SAXO1: variants seen among roughly 807,000 people sequenced by gnomAD.
SAXO1 encodes the protein stabilizer of axonemal microtubules 1, also known as 4930500O09Rik.
In SAXO1, 21 loss-of-function variants were observed where a neutral mutation model predicts 17.5. That is an observed-to-expected ratio of 1.20 (90% CI 0.85 to 1.72). The LOEUF (loss-of-function observed/expected upper bound fraction) is 1.72. SAXO1 is among the 40% of genes most tolerant of loss of function. The pLI, the probability that SAXO1 is intolerant of heterozygous loss-of-function variation, is 0.00. For missense variants in SAXO1, 843 were observed against 596.0 expected (o/e 1.41, Z -4.32); for synonymous variants, 274 against 216.5 (o/e 1.27, Z -2.33).
chr9:18,941,615 C>G lies in SAXO1; in HGVS notation c.421+22G>C. On this transcript the variant is annotated intron_variant, in intron 3 of 3. Transcript: ENST00000380534. ...AGGCTCAGCCTGTCTTTCCCCCAATCTGCCCCTCTGTGCTCTCCCACCTTT... is the reference window on the plus strand; with the variant it reads ...AGGCTCAGCCTGTCTTTCCCCCAATGTGCCCCTCTGTGCTCTCCCACCTTT... 4 of 1,613,682 alleles carry G rather than the reference C, an allele frequency of 2.5e-6. No homozygotes were observed. In the South Asian group the frequency reaches 3.3e-5, roughly 13 times the overall value.
intron 1 of SAXO1, among the ~76,000 whole-genome samples, chr9:19,048,171 G>C (rs367822926): frequency 2.0e-5 from 3 of 152,208 alleles, no homozygotes; most frequent in Non-Finnish European, 4.4e-5. Context: ...TATACACTTT[G>C]ATAAGGGCTT....
intron 1 of SAXO1, among the ~76,000 whole-genome samples, chr9:18,958,615 G>T (rs894278943): frequency 5.3e-5 from 8 of 151,948 alleles, no homozygotes; most frequent in Non-Finnish European, 1.5e-5. Flanking sequence ...TGAGTGCCAC[G>T]CTGGAAGGAT....
chr9:18,933,835 A>C (rs975323164), intron 3 of SAXO1, among the ~76,000 whole-genome samples: 4 of 152,202 alleles, frequency 2.6e-5, no homozygotes, highest in African/African-American at 7.2e-5. Flanking sequence ...TCACGAGGTC[A>C]GGAGATCAAG....
At chr9:19,017,826 C>T (rs767722249) in intron 1 of SAXO1, among the ~76,000 whole-genome samples, 2 of 152,122 alleles carry the variant, frequency 1.3e-5, no homozygotes, top group Non-Finnish European at 2.9e-5. Flanking sequence ...ACCTTAAATC[C>T]ACATGTGATG....
At chr9:18,937,284 A>G (rs1012912058) in intron 3 of SAXO1, among the ~76,000 whole-genome samples, 2 of 152,296 alleles carry the variant, frequency 1.3e-5, no homozygotes, top group Admixed American at 6.5e-5. Flanking sequence ...CCCACAGGGT[A>G]ATAGCCTGGG....
At position 19,049,326 on chromosome 9, in the gene SAXO1, G is replaced by A. The variant is rs1475354188; in HGVS notation, c.-275C>T. On this transcript the variant is annotated 5_prime_UTR_variant, in exon 1 of 4. Coordinates refer to the SAXO1 transcript ENST00000542071. The surrounding 1 kb of genome is among the most constrained non-coding windows in gnomAD (Gnocchi z 5.4). The stretch of plus-strand genomic sequence containing the variant: ...TTTCATTAGAGCAGCGGCTTTTCAA[G>A]GCTCGTCGGGCACGGAGGGCGGAGC... The A allele has an allele frequency of 8.3e-6, 2 of 241,840 alleles. No individual in the cohort carries two copies. The highest frequency in any genetic ancestry group is 7.3e-5 in the South Asian group (1 of 13,650). The allele number at this position is 241,840 out of a possible 1,614,324, so 15.0% of individuals were successfully genotyped here. A position where few individuals can be genotyped will look rare whatever the true frequency, so the allele number is the denominator to read the frequency against.
chr9:19,025,813 C>G (rs915098299), intron 1 of SAXO1, among the ~76,000 whole-genome samples: 3 of 152,070 alleles, frequency 2.0e-5, no homozygotes, highest in South Asian at 4.1e-4. Flanking sequence ...AGTAGTGTTA[C>G]TACATTTTAA....
chr9:18,938,343 G>A (rs1221110628), intron 3 of SAXO1, among the ~76,000 whole-genome samples: 1 of 152,148 alleles, frequency 6.6e-6, no homozygotes, highest in East Asian at 1.9e-4. Context: ...GGATGTACAG[G>A]AAGCATGGTA....
chr9:18,942,987 G>A (rs778797059), intron 2 of SAXO1, among the ~76,000 whole-genome samples: 4 of 152,234 alleles, frequency 2.6e-5, no homozygotes, highest in African/African-American at 4.8e-5. Context: ...ACAGGAAAAC[G>A]TTAGGCCCAA....
chr9:18,973,400 G>A (rs1314186402), intron 1 of SAXO1, among the ~76,000 whole-genome samples: 1 of 152,192 alleles, frequency 6.6e-6, no homozygotes, highest in Non-Finnish European at 1.5e-5. Context: ...AGGTATCACA[G>A]GACACTGCAT....
At position 18,928,876 on chromosome 9, in the gene SAXO1, A is replaced by G. The variant is rs1830908690; in HGVS notation, c.601T>C (p.Leu201=). The change falls in exon 4 of 4, where the codon TTG becomes CTG. Residue 201 remains leucine (L), a synonymous_variant. Coordinates refer to ENST00000380534, the MANE Select transcript of SAXO1 (RefSeq NM_153707.4). Reference sequence around the variant, plus strand: ...ATCTTGTAGTTAGTCACATCCTCCAAGGGGATGTTACAGAGCTTTGGCATG... The same window carrying G: ...ATCTTGTAGTTAGTCACATCCTCCAGGGGGATGTTACAGAGCTTTGGCATG... ...LAMPKLCNIP[L]EDVTNYKMSY... 6.2e-7 allele frequency: 1 copy of G among 1,614,104 alleles called. No individual in the cohort carries two copies. Among genetic ancestry groups the G allele is most frequent in the East Asian group, 2.2e-5 (1 of 44,868 alleles).
At chr9:18,938,450 G>A (rs554151956) in intron 3 of SAXO1, among the ~76,000 whole-genome samples, 1 of 152,166 alleles carries the variant, frequency 6.6e-6, no homozygotes, top group East Asian at 1.9e-4. Flanking sequence ...CAGAGAGCGC[G>A]AGTCGGGAGG....
At chr9:19,000,971 T>A (rs1438589707) in intron 1 of SAXO1, among the ~76,000 whole-genome samples, 6 of 152,096 alleles carry the variant, frequency 3.9e-5, no homozygotes, top group Admixed American at 3.9e-4. Flanking sequence ...ACACTTAGAC[T>A]CCCACACAAT....
chr9:19,003,486 T>A (rs1834363744), intron 1 of SAXO1, among the ~76,000 whole-genome samples: 1 of 152,160 alleles, frequency 6.6e-6, no homozygotes, highest in African/African-American at 2.4e-5. Flanking sequence ...CTACCTGACT[T>A]CAAACTAAAC....
chr9:18,948,384 G>C (rs912072601), intron 2 of SAXO1, among the ~76,000 whole-genome samples: 1 of 152,132 alleles, frequency 6.6e-6, no homozygotes, highest in Non-Finnish European at 1.5e-5. Context: ...CCTCCCTGTG[G>C]ACAACCTTGA....
rs191659495 is a variant in SAXO1 at position 19,049,277 on chromosome 9, A to T, written c.-226T>A. The T allele has an allele frequency of 1.1e-5, 2 of 181,954 alleles. No individual in the cohort carries two copies. Among genetic ancestry groups the T allele is most frequent in the African/African-American group, 4.8e-5 (2 of 41,982 alleles). 11.3% of individuals were successfully genotyped at this position (181,954 alleles called of 1,614,324 possible). On this transcript the variant is annotated 5_prime_UTR_variant, in exon 1 of 4. Coordinates refer to the SAXO1 transcript ENST00000542071. This position sits in a 1 kb window ranked among gnomAD's most constrained non-coding sequence, Gnocchi z 5.4. ...AGTCCTCGAGCTTCCCTTCCATCTT[A>T]GGGCTCACGCCGCCCCGGTTAGGTT... is the stretch of plus-strand genomic sequence containing the variant.
At chr9:18,968,058 C>T (rs989616045) in intron 1 of SAXO1, among the ~76,000 whole-genome samples, 1 of 152,226 alleles carries the variant, frequency 6.6e-6, no homozygotes, top group Admixed American at 6.5e-5. Context: ...TGCTTCTGCT[C>T]ACCTTCTGTG....
chr9:18,937,290 C>T (rs1831340464), intron 3 of SAXO1, among the ~76,000 whole-genome samples: 1 of 152,144 alleles, frequency 6.6e-6, no homozygotes, highest in African/African-American at 2.4e-5. Flanking sequence ...GGGTAATAGC[C>T]TGGGTGGGGA....
At chr9:18,996,560 T>C (rs1325111408) in intron 1 of SAXO1, among the ~76,000 whole-genome samples, 3 of 152,208 alleles carry the variant, frequency 2.0e-5, no homozygotes, top group African/African-American at 7.2e-5. Context: ...CAGTCTTTTG[T>C]TAACCAAAAT....
Sources: allele counts gnomAD v4.1 joint callset (sites outside exome capture counted in the v4.1 genomes callset), GRCh38; gene constraint gnomAD v4.1.1; non-coding constraint Gnocchi (gnomAD v3.1); transcripts MANE v1.5; gene names NCBI Gene and HGNC (gene_info 2026-07-23, HGNC 2026-07-21).